The following GALNT13 variants were observed in gnomAD, a reference collection of about 807,000 sequenced individuals.
The protein encoded by GALNT13 is UDP-GalNAc:polypeptide N-acetylgalactosaminyltransferase 13.
A neutral mutation model predicts 64.2 loss-of-function variants in GALNT13; 28 were observed. The observed-to-expected ratio is 0.44, with a 90% CI of 0.32 to 0.60. The LOEUF (loss-of-function observed/expected upper bound fraction) is 0.60, where lower values mean the gene tolerates loss of function less well. GALNT13 is among the 20% of genes least tolerant of loss of function. The pLI is 0.05. For synonymous variants in GALNT13, 214 were observed against 224.6 expected, an observed-to-expected ratio of 0.95 and a Z score of 0.42; for missense variants, 577 against 669.8, an observed-to-expected ratio of 0.86 and a Z score of 1.53.
At chr2:153,975,725 G>A (rs1694034390) in intron 3 of GALNT13, among the ~76,000 whole-genome samples, 1 of 152,056 alleles carries the variant, frequency 6.6e-6, no homozygotes, top group African/African-American at 2.4e-5. Context: ...AGTTACACAG[G>A]ATAAGTGGGG....
At chr2:154,254,593 G>A (rs1690267130) in intron 7 of GALNT13, among the ~76,000 whole-genome samples, 1 of 151,338 alleles carries the variant, frequency 6.6e-6, no homozygotes, top group Non-Finnish European at 1.5e-5. Flanking sequence ...GAAAAAAAAA[G>A]AAGTATTTTG....
At chr2:154,444,912 T>C (rs1229313352) in intron 12 of GALNT13, among the ~76,000 whole-genome samples, 2 of 152,008 alleles carry the variant, frequency 1.3e-5, no homozygotes, top group African/African-American at 4.8e-5. Flanking sequence ...ATTTTAGTGA[T>C]AGAAAAAATG....
chr2:153,814,465 GTAAATAAATAAATAAA>G, the GALNT13 span, among the ~76,000 whole-genome samples: 2,400 of 149,004 alleles, frequency 0.016, 25 homozygotes, highest in Non-Finnish European at 0.025. Context: ...AAGTAAGTAA[GTAAATAAATAAATAAA>G]TAAATAAATA....
chr2:154,325,552 T>C (rs1390733009), intron 9 of GALNT13, among the ~76,000 whole-genome samples: 1 of 152,156 alleles, frequency 6.6e-6, no homozygotes, highest in Non-Finnish European at 1.5e-5. Context: ...ATTAATCATG[T>C]GTCCCCCTAA....
At chr2:154,022,924 T>A (rs763465945) in intron 3 of GALNT13, among the ~76,000 whole-genome samples, 2 of 152,214 alleles carry the variant, frequency 1.3e-5, no homozygotes, top group Admixed American at 1.3e-4. Flanking sequence ...TCAAAGAACA[T>A]CTTTATTTCT....
intron 7 of GALNT13, chr2:154,257,450 GTAATATGT>G (rs1690440808): frequency 6.6e-6 from 1 of 152,104 alleles, no homozygotes; most frequent in Non-Finnish European, 1.5e-5. Context: ...CTCCAGCACT[GTAATATGT>G]TATATAGTTA....
intron 3 of GALNT13, among the ~76,000 whole-genome samples, chr2:154,076,190 G>C (rs1250341358): frequency 1.3e-5 from 2 of 151,542 alleles, no homozygotes; most frequent in African/African-American, 4.8e-5. Flanking sequence ...AAAAGGGAGG[G>C]GGCTTAACCA....
intron 3 of GALNT13, among the ~76,000 whole-genome samples, chr2:154,043,617 G>A (rs2105332186): frequency 6.6e-6 from 1 of 151,758 alleles, no homozygotes; most frequent in South Asian, 2.1e-4. Context: ...AGTATAATCA[G>A]TAGAGAATAG....
At chr2:153,683,102 G>T in the GALNT13 span, among the ~76,000 whole-genome samples, 1 of 151,800 alleles carries the variant, frequency 6.6e-6, no homozygotes, top group Admixed American at 6.6e-5. Context: ...ATCCTTAAAA[G>T]GATTGTATGC....
At chr2:153,763,491 T>C in the GALNT13 span, among the ~76,000 whole-genome samples, 2 of 152,180 alleles carry the variant, frequency 1.3e-5, no homozygotes, top group Admixed American at 1.3e-4. Flanking sequence ...GATTGTTTTA[T>C]AAATGGGAGT....
chr2:154,053,639 T>C (rs1370907762), intron 3 of GALNT13, among the ~76,000 whole-genome samples: 1 of 152,194 alleles, frequency 6.6e-6, no homozygotes, highest in African/African-American at 2.4e-5. Context: ...ATATAGAGTA[T>C]TTTTAAAAAC....
chr2:153,832,378 T>C, the GALNT13 span, among the ~76,000 whole-genome samples: 1 of 152,166 alleles, frequency 6.6e-6, no homozygotes, highest in African/African-American at 2.4e-5. Context: ...TCTCGATAGG[T>C]CAATTTTGCC....
At chr2:154,120,036 G>A (rs1681842530) in intron 3 of GALNT13, among the ~76,000 whole-genome samples, 1 of 152,042 alleles carries the variant, frequency 6.6e-6, no homozygotes, top group South Asian at 2.1e-4. Flanking sequence ...GTACATTTGT[G>A]GAGACTTCCC....
chr2:153,416,960 C>T, the GALNT13 span, among the ~76,000 whole-genome samples: 1 of 152,100 alleles, frequency 6.6e-6, no homozygotes, highest in Non-Finnish European at 1.5e-5. Context: ...CTGAGCATAT[C>T]GCATGGGAAT....
At chr2:154,200,507 T>C (rs1489576680) in intron 4 of GALNT13, among the ~76,000 whole-genome samples, 1 of 152,158 alleles carries the variant, frequency 6.6e-6, no homozygotes, top group Admixed American at 6.6e-5. Context: ...TTTCTCACCT[T>C]TGGAACTTGG....
At chr2:153,219,645 G>C in the GALNT13 span, among the ~76,000 whole-genome samples, 1 of 152,194 alleles carries the variant, frequency 6.6e-6, no homozygotes, top group South Asian at 2.1e-4. Context: ...GTACAATTTA[G>C]TATCTACTAT....
intron 2 of GALNT13, among the ~76,000 whole-genome samples, chr2:153,936,273 G>A (rs1210839580): frequency 6.6e-6 from 1 of 152,132 alleles, no homozygotes; most frequent in Non-Finnish European, 1.5e-5. Context: ...ATCTAGAAAT[G>A]ACTTAAGGAC....
At chr2:153,690,879 G>T in the GALNT13 span, among the ~76,000 whole-genome samples, 1 of 152,182 alleles carries the variant, frequency 6.6e-6, no homozygotes, top group Non-Finnish European at 1.5e-5. Context: ...ACACCTGAAC[G>T]GTAGAATAAT....
the GALNT13 span, among the ~76,000 whole-genome samples, chr2:153,104,881 C>CT: frequency 1.3e-5 from 2 of 151,736 alleles, no homozygotes; most frequent in African/African-American, 2.4e-5. Context: ...ACTTCCTTTT[C>CT]TTTTTTTTAT....
Sources: gnomAD v4.1 joint callset for allele counts (sites outside exome capture counted in the v4.1 genomes callset) on GRCh38, gnomAD v4.1.1 for gene constraint, MANE v1.5 for transcripts, NCBI Gene and HGNC (gene_info 2026-07-23, HGNC 2026-07-21) for gene names.